ZDHHC15: variants seen among roughly 807,000 people sequenced by gnomAD.
ZDHHC15 encodes zDHHC palmitoyltransferase 15, also known as palmitoyltransferase ZDHHC15.
In ZDHHC15, 19 loss-of-function variants were observed where a neutral mutation model predicts 31.7. That is an observed-to-expected ratio of 0.60 (90% confidence interval 0.42 to 0.88). ZDHHC15 has a LOEUF of 0.88. Among genes scored for constraint, ZDHHC15 ranks in the 40% least tolerant of loss-of-function variants. The pLI, the probability that ZDHHC15 is intolerant of heterozygous loss-of-function variation, is 0.00. For synonymous variants in ZDHHC15, 103 were observed against 90.0 expected (o/e 1.14, Z -0.82); for missense variants, 209 against 251.2 (o/e 0.83, Z 1.14).
At chrX:75,496,829 G>A (rs1487854842) in intron 2 of ZDHHC15, among the ~76,000 whole-genome samples, 3 of 111,130 alleles carry the variant, frequency 2.7e-5, no homozygotes, top group Non-Finnish European at 5.7e-5. Flanking sequence ...TTGTGTCTCT[G>A]GGATACAGCA....
chrX:75,389,801 G>A (rs1182717205), intron 10 of ZDHHC15, among the ~76,000 whole-genome samples: 1 of 111,542 alleles, frequency 9.0e-6, no homozygotes, highest in Non-Finnish European at 1.9e-5. Context: ...GTGACGATGA[G>A]CAGAGACTCA....
intron 10 of ZDHHC15, chrX:75,384,300 A>C (rs1217280109): frequency 1.6e-6 from 1 of 618,563 alleles, no homozygotes; most frequent in East Asian, 3.3e-5. Context: ...GAAAGCTGGT[A>C]AATGCCCTTT....
intron 2 of ZDHHC15, among the ~76,000 whole-genome samples, chrX:75,503,909 C>A (rs1246008712): frequency 9.0e-6 from 1 of 110,958 alleles, no homozygotes; most frequent in South Asian, 3.8e-4. Context: ...CTGAAGGTTG[C>A]GGGCAATCCA....
intron 2 of ZDHHC15, among the ~76,000 whole-genome samples, chrX:75,495,105 C>G (rs972462803): frequency 1.8e-5 from 2 of 111,684 alleles, no homozygotes; most frequent in African/African-American, 6.5e-5. Flanking sequence ...ACAACCCCAT[C>G]AAAAAGTGGG....
At chrX:75,424,375 C>A (rs1418451514) in intron 8 of ZDHHC15, among the ~76,000 whole-genome samples, 1 of 111,416 alleles carries the variant, frequency 9.0e-6, no homozygotes, top group Non-Finnish European at 1.9e-5. Context: ...GAGCTATTAA[C>A]CTTGGGAGCT....
chrX:75,400,824 T>C (rs2083348243), intron 10 of ZDHHC15, among the ~76,000 whole-genome samples: 1 of 111,769 alleles, frequency 8.9e-6, no homozygotes, highest in African/African-American at 3.3e-5. Flanking sequence ...TGGGGGCCTA[T>C]ATTCAACACT....
At chrX:75,461,953 G>A (rs758532437) in intron 3 of ZDHHC15, among the ~76,000 whole-genome samples, 1 of 111,583 alleles carries the variant, frequency 9.0e-6, no homozygotes, top group African/African-American at 3.3e-5. Context: ...ATGTAAATGG[G>A]CTAAATGTCT....
At position 75,422,061 on chromosome X, in the gene ZDHHC15, G is replaced by A. The variant is rs1315558375; in HGVS notation, c.737-71C>T. The A allele has an allele frequency of 1.5e-5, 16 of 1,100,592 alleles. No homozygotes were observed. The South Asian group carries it at 2.0e-4, about 14-fold the overall frequency. 90.7% of individuals were successfully genotyped at this position (1,100,592 alleles called of 1,213,427 possible). A position where few individuals can be genotyped will look rare whatever the true frequency, so the allele number is the denominator to read the frequency against. On this transcript the variant is annotated intron_variant, in intron 8 of 11. Transcript: ENST00000373367. ...AAGAAACAAATTTCAGCATAGTCAT[G>A]ATTTTACATTTCTCCATGTATGTGA... is the stretch of plus-strand genomic sequence containing the variant.
chrX:75,502,020 T>C (rs1479111630), intron 2 of ZDHHC15: 1 of 111,992 alleles, frequency 8.9e-6, no homozygotes, highest in African/African-American at 3.2e-5. Flanking sequence ...ACACTTTGGA[T>C]TTTCAAATGG....
Position 75,387,816 on chromosome X carries a change from C to T in ZDHHC15, c.968-8618G>A, listed in dbSNP as rs1272684976. Among the ~76,000 whole-genome samples the T allele has an allele frequency of 5.4e-5, 6 of 111,935 alleles. No individual in the cohort carries two copies. The East Asian group carries it at 1.7e-3, about 31-fold the overall frequency. On this transcript the variant is annotated intron_variant, in intron 10 of 11. Transcript: ENST00000373367. ...CCAGGTATAAGAAGGTCAGAGCACA[C>T]CAAAAGATTCAACCAAAATCGTCTA...
chrX:75,441,620 TC>T (rs753110833), intron 4 of ZDHHC15, among the ~76,000 whole-genome samples: 6 of 102,197 alleles, frequency 5.9e-5, no homozygotes, highest in East Asian at 2.9e-4. Context: ...CTGTGGTAGT[TC>T]TTTTTTTTTT....
chrX:75,373,235 T>A (rs1300255726), intron 11 of ZDHHC15, among the ~76,000 whole-genome samples: 4 of 111,535 alleles, frequency 3.6e-5, no homozygotes, highest in African/African-American at 9.8e-5. Context: ...TCTACTTGCA[T>A]TTTCCACATT....
At chrX:75,429,415 C>A (rs906278727) in intron 6 of ZDHHC15, among the ~76,000 whole-genome samples, 1 of 111,396 alleles carries the variant, frequency 9.0e-6, no homozygotes, top group South Asian at 3.8e-4. Context: ...CACAGAAACA[C>A]CTGGCCTGCC....
At position 75,384,675 on chromosome X, in the gene ZDHHC15, T is replaced by C. The variant is rs1011577197; in HGVS notation, c.968-5477A>G. 4.4e-5 allele frequency: 36 copies of C among 826,653 alleles called. No individual in the cohort carries two copies. In the African/African-American group the frequency reaches 5.9e-4, roughly 13 times the overall value. The allele number at this position is 826,653 out of a possible 1,213,427, so 68.1% of individuals were successfully genotyped here. The stretch of plus-strand genomic sequence containing the variant: ...GAGATAGCTTCCTGAAACGCATGAA[T>C]GAAAATGATCAGAGAAAGAAATAAG... On this transcript the variant is annotated intron_variant, in intron 10 of 11. Transcript: ENST00000373367.
rs374555854 is a variant in ZDHHC15, at chrX:75,460,593, C to T, written c.259-9671G>A. On this transcript the variant is annotated intron_variant, in intron 3 of 11. Transcript: ENST00000373367. ...AGGTTCCAGAGGAAAGAGAAGGCTG[C>T]CATCTTTGTTGTTTCACAGCCTTCA... Among the ~76,000 whole-genome samples, 248 of 110,495 alleles carry T rather than the reference C, an allele frequency of 2.2e-3. 1 individual carries two copies. The highest frequency in any genetic ancestry group is 2.7e-3 in the Non-Finnish European group (143 of 52,908).
At chrX:75,479,019 CTT>C in intron 2 of ZDHHC15, 34 bp from the exon 3 acceptor site, 1 of 968,314 alleles carries the variant, frequency 1.0e-6, no homozygotes, top group Non-Finnish European at 1.4e-6. Context: ...TTTATACTAT[CTT>C]TTTATCCATT....
intron 10 of ZDHHC15, among the ~76,000 whole-genome samples, chrX:75,415,640 G>T (rs754304708): frequency 2.7e-5 from 3 of 112,277 alleles, no homozygotes; most frequent in South Asian, 3.7e-4. Context: ...ATAAAATAGG[G>T]ATGCTATTAA....
chrX:75,491,744 G>A (rs1286164058), intron 2 of ZDHHC15, among the ~76,000 whole-genome samples: 2 of 111,236 alleles, frequency 1.8e-5, no homozygotes, highest in African/African-American at 6.5e-5. Flanking sequence ...CAAATGCTGA[G>A]AGATTTTGTC....
At chrX:75,469,273 A>C (rs2084465497) in intron 3 of ZDHHC15, among the ~76,000 whole-genome samples, 1 of 111,766 alleles carries the variant, frequency 8.9e-6, no homozygotes, top group Non-Finnish European at 1.9e-5. Context: ...AACCATTTTA[A>C]ATTATATAGT....
Sources: allele counts gnomAD v4.1 joint callset (sites outside exome capture counted in the v4.1 genomes callset), GRCh38; gene constraint gnomAD v4.1.1; transcripts MANE v1.5; gene names NCBI Gene and HGNC (gene_info 2026-07-23, HGNC 2026-07-21).